IQGAP2: variants seen among roughly 807,000 people sequenced by gnomAD.
The protein encoded by IQGAP2 is ras GTPase-activating-like protein IQGAP2.
IQGAP2 carries 173 observed loss-of-function variants against 201.3 expected under a neutral mutation model. The ratio of observed to expected loss-of-function variants is 0.86; its 90% CI spans 0.76 to 0.98. The LOEUF (loss-of-function observed/expected upper bound fraction) is 0.98. IQGAP2 is among the 50% of genes least tolerant of loss of function. The pLI, the probability that IQGAP2 is intolerant of heterozygous loss-of-function variation, is 0.00. For synonymous variants in IQGAP2, 675 were observed against 673.9 expected (o/e 1.00, Z -0.03); for missense variants, 1,687 against 1,864.8 (o/e 0.90, Z 1.76).
intron 1 of IQGAP2, among the ~76,000 whole-genome samples, chr5:76,420,660 C>T (rs1751682807): frequency 6.6e-6 from 1 of 152,222 alleles, no homozygotes; most frequent in Non-Finnish European, 1.5e-5. Flanking sequence ...CAGGCGTGAG[C>T]CACCGTGCCC....
Position 76,698,004 on chromosome 5 carries a change from A to G in IQGAP2, c.4224A>G (p.Arg1408=). 1 of 1,611,500 alleles carries G rather than the reference A, an allele frequency of 6.2e-7. No individual in the cohort carries two copies. Among genetic ancestry groups the G allele is most frequent in the Non-Finnish European group, 8.5e-7 (1 of 1,179,076 alleles). Residue 1408 remains arginine, a synonymous_variant, in exon 33 of 36, where the codon AGA becomes AGG. Transcript: ENST00000274364. ...NEIAKDIRNQ[R]IYRKLRKAEL... ...TGTTTTAGGATATTCGAAATCAAAG[A>G]ATCTATCGTAAGCTTCGAAAAGCTG...
intron 2 of IQGAP2, among the ~76,000 whole-genome samples, chr5:76,559,417 C>T (rs906272008): frequency 6.6e-6 from 1 of 152,174 alleles, no homozygotes; most frequent in Non-Finnish European, 1.5e-5. Context: ...TACTCCTCTT[C>T]GGTGAGGCTG....
intron 5 of IQGAP2, among the ~76,000 whole-genome samples, chr5:76,587,474 T>G (rs904887750): frequency 6.6e-6 from 1 of 152,244 alleles, no homozygotes; most frequent in Admixed American, 6.5e-5. Flanking sequence ...TACATTCATA[T>G]TCTAGAATAA....
At chr5:76,662,972 A>G (rs2150459109) in intron 21 of IQGAP2, among the ~76,000 whole-genome samples, 1 of 152,346 alleles carries the variant, frequency 6.6e-6, no homozygotes, top group South Asian at 2.1e-4. Context: ...TGGACCTGGA[A>G]GGCAACAGAT....
intron 2 of IQGAP2, among the ~76,000 whole-genome samples, chr5:76,476,582 A>G (rs1475657127): frequency 6.6e-6 from 1 of 152,124 alleles, no homozygotes; most frequent in African/African-American, 2.4e-5. Flanking sequence ...GGAAGGAGTG[A>G]GTAGGCTTGG....
intron 2 of IQGAP2, among the ~76,000 whole-genome samples, chr5:76,547,761 A>G (rs1743183552): frequency 6.6e-6 from 1 of 152,226 alleles, no homozygotes; most frequent in Non-Finnish European, 1.5e-5. Flanking sequence ...GGTGCTTTGC[A>G]CTGCAAACAG....
At chr5:76,486,401 A>G (rs1436912612) in intron 2 of IQGAP2, among the ~76,000 whole-genome samples, 1 of 152,212 alleles carries the variant, frequency 6.6e-6, no homozygotes, top group Non-Finnish European at 1.5e-5. Context: ...TGATTTTACC[A>G]TGTATTAGAT....
At chr5:76,415,896 G>T (rs1751377597) in intron 1 of IQGAP2, among the ~76,000 whole-genome samples, 1 of 149,228 alleles carries the variant, frequency 6.7e-6, no homozygotes. Context: ...AGTGAGCCGA[G>T]ATCATGCCAC....
intron 12 of IQGAP2, chr5:76,608,907 CT>C: frequency 1.9e-6 from 1 of 520,756 alleles, no homozygotes; most frequent in Non-Finnish European, 3.4e-6. Flanking sequence ...CGCCCACTCT[CT>C]TGTGGACTAG....
intron 5 of IQGAP2, among the ~76,000 whole-genome samples, chr5:76,584,466 G>A (rs1746103398): frequency 6.6e-6 from 1 of 152,162 alleles, no homozygotes; most frequent in Non-Finnish European, 1.5e-5. Flanking sequence ...AAAACGCTGG[G>A]GGTTGCAGCA....
intron 2 of IQGAP2, among the ~76,000 whole-genome samples, chr5:76,501,989 T>A (rs987727772): frequency 3.9e-5 from 6 of 152,174 alleles, no homozygotes; most frequent in Non-Finnish European, 5.9e-5. Flanking sequence ...TGTGATTGAT[T>A]GTGCTACAAC....
intron 23 of IQGAP2, 64 bp from the exon 24 acceptor site, chr5:76,671,689 GAAAAAA>G (rs34357630): frequency 1.9e-4 from 151 of 812,194 alleles, no homozygotes; most frequent in Non-Finnish European, 2.0e-4. Context: ...CTGTCTCGGG[GAAAAAA>G]AAAAAAAAAA....
chr5:76,704,251 A>C (rs1262651865), intron 35 of IQGAP2, among the ~76,000 whole-genome samples: 2 of 152,250 alleles, frequency 1.3e-5, no homozygotes, highest in African/African-American at 4.8e-5. Context: ...TTGGTTAGTG[A>C]TTCCTCTGTA....
intron 2 of IQGAP2, among the ~76,000 whole-genome samples, chr5:76,509,987 T>TC (rs1215319775): frequency 5.7e-4 from 55 of 95,984 alleles, no homozygotes; most frequent in African/African-American, 1.8e-3. Flanking sequence ...TTTCTTTCTT[T>TC]TTTTTTTTTT....
At chr5:76,585,239 G>A (rs911050669) in intron 5 of IQGAP2, among the ~76,000 whole-genome samples, 1 of 152,100 alleles carries the variant, frequency 6.6e-6, no homozygotes, top group African/African-American at 2.4e-5. Flanking sequence ...CAGGATATTA[G>A]TATAGGTAAT....
chr5:76,707,284 C>G lies in IQGAP2; in HGVS notation c.4699C>G (p.Leu1567Val), dbSNP rs372834701. 1 of 1,558,920 alleles carries G rather than the reference C, an allele frequency of 6.4e-7. No individual in the cohort carries two copies. Among genetic ancestry groups the G allele is most frequent in the Non-Finnish European group, 8.8e-7 (1 of 1,130,066 alleles). Reference sequence around the variant, plus strand: ...AGTGAATGTAAACCTTCTCATATACCTGCTGAACAAGAAGTTCTATGGAAA... The same window carrying G: ...AGTGAATGTAAACCTTCTCATATACGTGCTGAACAAGAAGTTCTATGGAAA... ...VKVNVNLLIY[L>V]LNKKFYGK is the part of the protein sequence containing the mutation. Residue 1567 changes from leucine (L) to valine (V), a missense_variant, in exon 36 of 36, where the codon CTG becomes GTG. Coordinates refer to ENST00000274364, the MANE Select transcript of IQGAP2 (RefSeq NM_006633.5).
At chr5:76,461,158 G>A (rs569394361) in intron 1 of IQGAP2, among the ~76,000 whole-genome samples, 5 of 151,960 alleles carry the variant, frequency 3.3e-5, no homozygotes, top group South Asian at 4.2e-4. Flanking sequence ...GATTACAGGC[G>A]TGAGCCGCCG....
chr5:76,421,546 A>C (rs192313174), intron 1 of IQGAP2, among the ~76,000 whole-genome samples: 1 of 152,186 alleles, frequency 6.6e-6, no homozygotes, highest in African/African-American at 2.4e-5. Flanking sequence ...GAGCCCCGGA[A>C]GTTAAGGCTG....
intron 5 of IQGAP2, among the ~76,000 whole-genome samples, chr5:76,580,241 A>T (rs927805178): frequency 1.3e-5 from 2 of 150,386 alleles, no homozygotes; most frequent in African/African-American, 4.9e-5. Context: ...GTGCCACTGC[A>T]CTCTAGCCTG....
Sources: allele counts gnomAD v4.1 joint callset (sites outside exome capture counted in the v4.1 genomes callset), GRCh38; gene constraint gnomAD v4.1.1; transcripts MANE v1.5; gene names NCBI Gene and HGNC (gene_info 2026-07-23, HGNC 2026-07-21).